Variants in RIN2 observed in about 807,000 individuals in gnomAD.
RIN2 encodes RAB5 interacting protein 2.
Under a neutral mutation model 78.0 loss-of-function variants are expected in RIN2, and 36 were observed. The ratio of observed to expected loss-of-function variants is 0.46; its 90% CI spans 0.35 to 0.61. The LOEUF (loss-of-function observed/expected upper bound fraction) is 0.61, where lower values mean the gene tolerates loss of function less well. RIN2 is among the 20% of genes least tolerant of loss of function. The probability of loss-of-function intolerance (pLI) is 0.00; values close to 1 mark genes in which losing one functional copy is unlikely to be tolerated. For missense variants in RIN2, 1,087 were observed against 1,159.7 expected (o/e 0.94, Z 0.91); for synonymous variants, 466 against 466.8 (o/e 1.00, Z 0.02).
chr20:19,909,923 T>C (rs1436644840), intron 3 of RIN2, among the ~76,000 whole-genome samples: 1 of 152,116 alleles, frequency 6.6e-6, no homozygotes, highest in Non-Finnish European at 1.5e-5. Context: ...CAGCCAGTCT[T>C]GAGCAGGAAA....
chr20:19,868,209 C>A (rs16981252), intron 2 of RIN2, among the ~76,000 whole-genome samples: 36,728 of 152,156 alleles, frequency 0.24, 4,598 homozygotes, highest in East Asian at 0.31. Context: ...TGAGCCAGGG[C>A]TGCCCAAGTG....
intron 12 of RIN2, among the ~76,000 whole-genome samples, chr20:19,997,159 G>A (rs1490289673): frequency 6.6e-6 from 1 of 152,160 alleles, no homozygotes; most frequent in Non-Finnish European, 1.5e-5. Context: ...TGTTTCATCA[G>A]GAAACAGCCG....
chr20:19,975,162 C>T lies in RIN2; in HGVS notation c.1137C>T (p.Gly379=), dbSNP rs1224905197. The change falls in exon 9 of 13, where the codon GGC becomes GGT. Residue 379 remains glycine, a synonymous_variant. Coordinates refer to ENST00000255006, the MANE Select transcript of RIN2 (RefSeq NM_018993.4). The surrounding 1 kb of genome is among the most constrained non-coding windows in gnomAD (Gnocchi z 4.9). ...AGGGCGGTGCAAAGACCTTGAGCGG[C>T]GGCCGGCCGGGCGCAGGCCCGGAGC... ...EAEGGAKTLS[G]GRPGAGPELE... 2 of 1,611,858 alleles carry T rather than the reference C, an allele frequency of 1.2e-6. No individual in the cohort carries two copies. The highest frequency in any genetic ancestry group is 1.7e-6 in the Non-Finnish European group (2 of 1,179,422).
At chr20:19,837,057 A>G (rs1208434029) in intron 2 of RIN2, among the ~76,000 whole-genome samples, 2 of 152,074 alleles carry the variant, frequency 1.3e-5, no homozygotes, top group Admixed American at 1.3e-4. Flanking sequence ...TATAATTTCC[A>G]TACAACACTG....
chr20:19,960,891 G>A, intron 6 of RIN2, 80 bp downstream of exon 6: 2 of 845,742 alleles, frequency 2.4e-6, no homozygotes. Flanking sequence ...AGGAGCTCTG[G>A]TTATGAGATG....
chr20:19,994,761 G>A (rs945578337), intron 11 of RIN2, among the ~76,000 whole-genome samples: 8 of 152,202 alleles, frequency 5.3e-5, no homozygotes, highest in African/African-American at 1.9e-4. Flanking sequence ...TCTGTATTCT[G>A]GATTACTGAG....
At chr20:19,978,473 T>A (rs577954006) in intron 9 of RIN2, among the ~76,000 whole-genome samples, 3 of 152,336 alleles carry the variant, frequency 2.0e-5, no homozygotes, top group African/African-American at 7.2e-5. Flanking sequence ...TCAGTCACTT[T>A]CCTTTTGCCC....
At chr20:19,955,738 C>T (rs1189776430) in intron 4 of RIN2, among the ~76,000 whole-genome samples, 1 of 152,152 alleles carries the variant, frequency 6.6e-6, no homozygotes, top group Non-Finnish European at 1.5e-5. Flanking sequence ...AGCACAGCAT[C>T]ACTCCTCTGT....
chr20:19,764,772 T>C (rs1654263268), intron 1 of RIN2, among the ~76,000 whole-genome samples: 1 of 152,082 alleles, frequency 6.6e-6, no homozygotes, highest in Non-Finnish European at 1.5e-5. Context: ...GGCAGGTGGT[T>C]TATAGAGTAG....
intron 2 of RIN2, among the ~76,000 whole-genome samples, chr20:19,874,371 C>T (rs961023975): frequency 6.6e-6 from 1 of 152,168 alleles, no homozygotes; most frequent in Non-Finnish European, 1.5e-5. Flanking sequence ...GGTATTTCCC[C>T]TAGGAACAAT....
intron 4 of RIN2, among the ~76,000 whole-genome samples, chr20:19,945,547 G>T (rs78599696): frequency 2.6e-5 from 4 of 152,150 alleles, no homozygotes; most frequent in African/African-American, 9.7e-5. Flanking sequence ...CTCATTCTCC[G>T]TGCTGGAATA....
chr20:19,872,332 C>A (rs1191127623), intron 2 of RIN2: 6 of 152,072 alleles, frequency 3.9e-5, no homozygotes, highest in African/African-American at 1.5e-4. Context: ...GGACTAATAC[C>A]ATGGGCTTGA....
At chr20:19,840,421 G>C (rs2036545507) in intron 2 of RIN2, among the ~76,000 whole-genome samples, 1 of 152,154 alleles carries the variant, frequency 6.6e-6, no homozygotes. Context: ...GGCAACTTGG[G>C]GAAACACAAG....
rs1439326303 is a variant in RIN2 at position 19,974,817 on chromosome 20, G to C, written c.792G>C (p.Gln264His). 2 of 1,613,868 alleles carry C rather than the reference G, an allele frequency of 1.2e-6. No homozygotes were observed. The highest frequency in any genetic ancestry group is 1.7e-6 in the Non-Finnish European group (2 of 1,179,902). Reference sequence around the variant, plus strand: ...CGCCTTCAGAGCTGGAGTGCAGCCAGACCAACGGGGCCCTGTGCTTTATTA... The same window carrying C: ...CGCCTTCAGAGCTGGAGTGCAGCCACACCAACGGGGCCCTGTGCTTTATTA... ...TRTPSELECS[Q>H]TNGALCFINP... The change falls in exon 9 of 13, where the codon CAG becomes CAC. Residue 264 changes from glutamine to histidine, a missense_variant. By Grantham distance (24) the Gln-to-His change is conservative. Transcript: ENST00000255006.
intron 2 of RIN2, 124 bp from the exon 3 acceptor site, chr20:19,889,442 A>T: frequency 1.7e-6 from 2 of 1,144,020 alleles, no homozygotes; most frequent in Non-Finnish European, 2.4e-6. Context: ...CTTGGTGGGA[A>T]ATAAATGGCA....
rs1600489498 is a variant in RIN2, at chr20:19,802,112, C to T, written c.-37+2365C>T. Reference sequence around the variant, plus strand: ...TTGGAGAACTGATGACCACATCATCCGTTGTCACATTTAATCATCACGACA... The same window carrying T: ...TTGGAGAACTGATGACCACATCATCTGTTGTCACATTTAATCATCACGACA... On this transcript the variant is annotated intron_variant, in intron 2 of 12. Transcript: ENST00000255006. Among the ~76,000 whole-genome samples, 4 of 152,122 alleles carry T rather than the reference C, an allele frequency of 2.6e-5. No individual in the cohort carries two copies. The South Asian group carries it at 8.3e-4, about 32-fold the overall frequency.
chr20:19,960,081 C>T (rs2041688393), intron 5 of RIN2, among the ~76,000 whole-genome samples: 2 of 152,194 alleles, frequency 1.3e-5, no homozygotes, highest in Non-Finnish European at 2.9e-5. Context: ...TGCATCCACC[C>T]ACCACCCAAA....
chr20:19,835,718 A>G (rs1375098624), intron 2 of RIN2, among the ~76,000 whole-genome samples: 1 of 152,122 alleles, frequency 6.6e-6, no homozygotes, highest in Admixed American at 6.5e-5. Context: ...GCAAATATGA[A>G]TGGGAAGTTG....
intron 6 of RIN2, among the ~76,000 whole-genome samples, chr20:19,964,362 G>A (rs1337986472): frequency 6.6e-6 from 1 of 152,110 alleles, no homozygotes; most frequent in Non-Finnish European, 1.5e-5. Flanking sequence ...TCCCTCCTCG[G>A]CCTCCCAAAG....
Sources: gnomAD v4.1 joint callset for allele counts (sites outside exome capture counted in the v4.1 genomes callset) on GRCh38, gnomAD v4.1.1 for gene constraint, Gnocchi (gnomAD v3.1) non-coding constraint, MANE v1.5 for transcripts, NCBI Gene and HGNC (gene_info 2026-07-23, HGNC 2026-07-21) for gene names.